FBXO15: variants seen among roughly 807,000 people sequenced by gnomAD.
The protein encoded by FBXO15 is F-box protein 15, also known as F-box only protein 15.
FBXO15 carries 30 observed loss-of-function variants against 49.5 expected under a neutral mutation model. That is an observed-to-expected ratio of 0.61 (90% CI 0.45 to 0.82). The LOEUF is 0.82. FBXO15 is among the 40% of genes least tolerant of loss of function. The pLI, the probability that FBXO15 is intolerant of heterozygous loss-of-function variation, is 0.00. For synonymous variants in FBXO15, 250 were observed against 232.7 expected (o/e 1.07, Z -0.68); for missense variants, 591 against 631.5 (o/e 0.94, Z 0.69).
At position 74,077,132 on chromosome 18, in the gene FBXO15, G is replaced by A. The variant is rs199798597; in HGVS notation, c.1264-3402C>T. ...TGGATGCTAAGCACCAAGAGGGCAGGACTTAGGCCAGCTTGGTTCAGCATC... is the reference window on the plus strand; with the variant it reads ...TGGATGCTAAGCACCAAGAGGGCAGAACTTAGGCCAGCTTGGTTCAGCATC... On this transcript the variant is annotated intron_variant, in intron 9 of 9. Coordinates refer to ENST00000419743, the MANE Select transcript of FBXO15 (RefSeq NM_001142958.2). Among the ~76,000 whole-genome samples, 18 of 152,332 alleles carry A rather than the reference G, an allele frequency of 1.2e-4. No homozygotes were observed. The East Asian group carries it at 2.9e-3, about 24-fold the overall frequency.
In FBXO15 at chr18:74,140,218, A is replaced by T; in HGVS notation, c.211T>A (p.Ser71Thr). 2 of 1,551,304 alleles carry T rather than the reference A, an allele frequency of 1.3e-6. No individual in the cohort carries two copies. Among genetic ancestry groups the T allele is most frequent in the Non-Finnish European group, 1.7e-6 (2 of 1,146,880 alleles). ...GCTACTTACCCATCCAGGAACCCAG[A>T]ACAGCAGGAGAAAGAGCTCTCCCAG... Reference protein sequence around the residue: ...QHWESSFSCCSGFLDGMPSEI... With the variant: ...QHWESSFSCCTGFLDGMPSEI... The change falls in exon 2 of 10, where the codon TCT becomes ACT. Residue 71 changes from serine to threonine, a missense_variant. Transcript: ENST00000419743.
intron 5 of FBXO15, among the ~76,000 whole-genome samples, chr18:74,126,399 C>CTG (rs1169027369): frequency 1.3e-5 from 2 of 152,228 alleles, no homozygotes; most frequent in African/African-American, 4.8e-5. Flanking sequence ...GCATTGTCTC[C>CTG]TGTTCTATTC....
At chr18:74,119,170 G>A (rs1286054236) in intron 8 of FBXO15, among the ~76,000 whole-genome samples, 1 of 152,244 alleles carries the variant, frequency 6.6e-6, no homozygotes, top group Non-Finnish European at 1.5e-5. Context: ...GCAGCATCCT[G>A]AAGCTGCATC....
At chr18:74,146,339 T>G (rs1179864650) in intron 1 of FBXO15, among the ~76,000 whole-genome samples, 1 of 152,240 alleles carries the variant, frequency 6.6e-6, no homozygotes, top group Non-Finnish European at 1.5e-5. Context: ...CAGCGGACTT[T>G]TCTTTACCAA....
At chr18:74,128,352 T>C (rs933351565) in intron 5 of FBXO15, among the ~76,000 whole-genome samples, 1 of 148,520 alleles carries the variant, frequency 6.7e-6, no homozygotes, top group Non-Finnish European at 1.5e-5. Flanking sequence ...AAAAAAAGTG[T>C]CTGTATCCAG....
At chr18:74,123,209 C>T (rs9957395) in intron 8 of FBXO15, 159 bp downstream of exon 8, 40,163 of 746,076 alleles carry the variant, frequency 0.054, 2,274 homozygotes, top group African/African-American at 0.22. Flanking sequence ...CCAGTGAGGA[C>T]TTTCACAAGC....
chr18:74,090,220 T>C (rs1846878017), intron 8 of FBXO15, among the ~76,000 whole-genome samples: 1 of 152,204 alleles, frequency 6.6e-6, no homozygotes, highest in Non-Finnish European at 1.5e-5. Flanking sequence ...GTGCTCATAA[T>C]AGTCTCAGGG....
intron 8 of FBXO15, among the ~76,000 whole-genome samples, chr18:74,082,653 G>C (rs1912555069): frequency 6.6e-6 from 1 of 152,140 alleles, no homozygotes; most frequent in Non-Finnish European, 1.5e-5. Context: ...CACCCACACA[G>C]CACACTAGCC....
At chr18:74,099,112 A>G (rs1913405799) in intron 8 of FBXO15, 1 of 152,208 alleles carries the variant, frequency 6.6e-6, no homozygotes, top group Admixed American at 6.5e-5. Flanking sequence ...GCAAAGAGCG[A>G]GACTCCATCT....
chr18:74,102,295 G>GA (rs2145147686), intron 8 of FBXO15, among the ~76,000 whole-genome samples: 2 of 151,988 alleles, frequency 1.3e-5, no homozygotes, highest in East Asian at 3.9e-4. Flanking sequence ...GTGGGCTAAG[G>GA]ATATGAATAG....
At chr18:74,124,038 G>C (rs1049848246) in intron 7 of FBXO15, among the ~76,000 whole-genome samples, 22 of 151,918 alleles carry the variant, frequency 1.4e-4, no homozygotes, top group Admixed American at 1.2e-3. Context: ...CAGGAAAAGG[G>C]TGAGAGCTGT....
At chr18:74,101,930 G>T (rs993999595) in intron 8 of FBXO15, among the ~76,000 whole-genome samples, 1 of 152,036 alleles carries the variant, frequency 6.6e-6, no homozygotes, top group African/African-American at 2.4e-5. Context: ...GAATGAAATG[G>T]GATCCTCATC....
chr18:74,105,389 T>C (rs1383023907), intron 8 of FBXO15, among the ~76,000 whole-genome samples: 2 of 152,188 alleles, frequency 1.3e-5, no homozygotes, highest in Non-Finnish European at 2.9e-5. Context: ...TATTATCACA[T>C]GTATCCTGAA....
intron 9 of FBXO15, 114 bp downstream of exon 9, chr18:74,081,813 G>A (rs1912507434): frequency 2.6e-6 from 2 of 780,430 alleles, no homozygotes; most frequent in Non-Finnish European, 3.7e-6. Context: ...AATAAATCCA[G>A]AACTATAAAA....
intron 1 of FBXO15, 76 bp downstream of exon 1, chr18:74,147,594 T>C (rs1408049975): frequency 7.5e-7 from 1 of 1,326,982 alleles, no homozygotes; most frequent in African/African-American, 1.5e-5. Context: ...ACGAATAAAA[T>C]ACACGGTGAA....
At chr18:74,109,273 A>T (rs1236132603) in intron 8 of FBXO15, among the ~76,000 whole-genome samples, 2 of 152,196 alleles carry the variant, frequency 1.3e-5, no homozygotes, top group Non-Finnish European at 2.9e-5. Flanking sequence ...TCAAAACCAT[A>T]ATAAGACACC....
chr18:74,079,736 C>T (rs988555079), intron 9 of FBXO15, among the ~76,000 whole-genome samples: 2 of 152,048 alleles, frequency 1.3e-5, no homozygotes, highest in African/African-American at 4.8e-5. Flanking sequence ...AGATACTTTC[C>T]ACCTGAATTA....
rs150323459 is a variant in FBXO15 at position 74,096,787 on chromosome 18, A to T, written c.1139-14736T>A. Among the ~76,000 whole-genome samples the T allele has an allele frequency of 2.0e-4, 30 of 152,362 alleles. 1 individual carries two copies. The highest frequency in any genetic ancestry group is 5.5e-4 in the African/African-American group (23 of 41,580). ...AGTGATCTCCAAGATAACACAGAAAAGCAATTCAGGAAAATAAACATGTTG... is the reference window on the plus strand; with the variant it reads ...AGTGATCTCCAAGATAACACAGAAATGCAATTCAGGAAAATAAACATGTTG... On this transcript the variant is annotated intron_variant, in intron 8 of 9. Coordinates refer to ENST00000419743, the MANE Select transcript of FBXO15 (RefSeq NM_001142958.2).
At chr18:74,140,460 G>A (rs941706922) in intron 1 of FBXO15, 148 bp from the exon 2 acceptor site, 3 of 705,154 alleles carry the variant, frequency 4.3e-6, no homozygotes, top group Admixed American at 3.5e-5. Context: ...AGGAAGGGAA[G>A]AAGAAAAGAT....
Sources: gnomAD v4.1 joint callset for allele counts (sites outside exome capture counted in the v4.1 genomes callset) on GRCh38, gnomAD v4.1.1 for gene constraint, MANE v1.5 for transcripts, NCBI Gene and HGNC (gene_info 2026-07-23, HGNC 2026-07-21) for gene names.